PPARGC1B: variants seen among roughly 807,000 people sequenced by gnomAD.
The protein encoded by PPARGC1B is PPARG coactivator 1 beta.
A neutral mutation model predicts 101.6 loss-of-function variants in PPARGC1B; 34 were observed. That is an observed-to-expected ratio of 0.33 (90% CI 0.25 to 0.45). The LOEUF is 0.45. PPARGC1B is among the 20% of genes least tolerant of loss of function. PPARGC1B has a pLI of 1.00. For synonymous variants in PPARGC1B, 548 were observed against 539.3 expected (o/e 1.02, Z -0.22); for missense variants, 1,234 against 1,317.6 (o/e 0.94, Z 0.98).
chr5:149,771,963 C>A, intron 1 of PPARGC1B: 1 of 1,336,064 alleles, frequency 7.5e-7, no homozygotes, highest in Non-Finnish European at 9.9e-7. Context: ...AATCCTCAAG[C>A]AACTCTGAAT....
chr5:149,816,277 G>T (rs188846006), intron 1 of PPARGC1B, among the ~76,000 whole-genome samples: 15 of 152,346 alleles, frequency 9.8e-5, no homozygotes, highest in African/African-American at 3.6e-4. Context: ...GCTGCTATGG[G>T]CAATCAATAA....
chr5:149,768,013 T>C (rs1755980728), intron 1 of PPARGC1B, among the ~76,000 whole-genome samples: 1 of 151,942 alleles, frequency 6.6e-6, no homozygotes, highest in Non-Finnish European at 1.5e-5. Flanking sequence ...GATGGTCCCA[T>C]CTGGGGGTGA....
chr5:149,803,186 A>C (rs950652806), intron 1 of PPARGC1B, among the ~76,000 whole-genome samples: 1 of 152,162 alleles, frequency 6.6e-6, no homozygotes, highest in African/African-American at 2.4e-5. Flanking sequence ...ACTTGTCCCA[A>C]ATCTCATACT....
At chr5:149,818,718 T>C (rs1758153238) in intron 1 of PPARGC1B, 1 of 423,854 alleles carries the variant, frequency 2.4e-6, no homozygotes, top group Admixed American at 2.5e-5. Context: ...CCCGCTCCTC[T>C]CTGCCTACCA....
At chr5:149,795,314 C>T (rs1274033644) in intron 1 of PPARGC1B, among the ~76,000 whole-genome samples, 2 of 152,176 alleles carry the variant, frequency 1.3e-5, no homozygotes, top group East Asian at 1.9e-4. Flanking sequence ...CAAGTTTCCT[C>T]ACCTGTAAAA....
Position 149,837,530 on chromosome 5 carries a change from C to T in PPARGC1B, c.2618+457C>T, listed in dbSNP as rs939385096. Among the ~76,000 whole-genome samples, 4 of 152,208 alleles carry T rather than the reference C, an allele frequency of 2.6e-5. No individual in the cohort carries two copies. The highest frequency in any genetic ancestry group is 9.6e-5 in the African/African-American group (4 of 41,458). On this transcript the variant is annotated intron_variant, in intron 8 of 11. Coordinates refer to ENST00000309241, the MANE Select transcript of PPARGC1B (RefSeq NM_133263.4). The surrounding 1 kb of genome is among the most constrained non-coding windows in gnomAD (Gnocchi z 4.2). ...ATCTGTGCTCTGGAAAATACCTGGA[C>T]ATAAAGCATTGATAAGGTTTCTGGG...
At chr5:149,754,183 G>A (rs1023587083) in intron 1 of PPARGC1B, among the ~76,000 whole-genome samples, 6 of 152,168 alleles carry the variant, frequency 3.9e-5, no homozygotes, top group Non-Finnish European at 5.9e-5. Context: ...AGTCCTTTTC[G>A]GATGGTTAAG....
At chr5:149,779,358 G>C (rs149549274) in intron 1 of PPARGC1B, among the ~76,000 whole-genome samples, 19 of 152,312 alleles carry the variant, frequency 1.2e-4, no homozygotes, top group Admixed American at 1.2e-3. Flanking sequence ...TTGCGTCTGG[G>C]GGAGGGGCTG....
At chr5:149,795,794 G>A (rs1448953177) in intron 1 of PPARGC1B, among the ~76,000 whole-genome samples, 2 of 151,598 alleles carry the variant, frequency 1.3e-5, no homozygotes, top group Non-Finnish European at 2.9e-5. Context: ...GGGGCAGGGG[G>A]GGATGATTAT....
At chr5:149,750,928 A>T (rs1247438390) in intron 1 of PPARGC1B, among the ~76,000 whole-genome samples, 1 of 152,258 alleles carries the variant, frequency 6.6e-6, no homozygotes, top group Non-Finnish European at 1.5e-5. Context: ...TGAGCTTTAC[A>T]GAAAAAGTTA....
At chr5:149,827,032 C>G in intron 3 of PPARGC1B, 147 bp downstream of exon 3, 1 of 669,258 alleles carries the variant, frequency 1.5e-6, no homozygotes, top group Non-Finnish European at 2.5e-6. Flanking sequence ...GAGCGTGGGC[C>G]GAAGGTGGGA....
At chr5:149,790,679 T>C (rs1369421388) in intron 1 of PPARGC1B, among the ~76,000 whole-genome samples, 1 of 152,074 alleles carries the variant, frequency 6.6e-6, no homozygotes, top group Non-Finnish European at 1.5e-5. Context: ...CAACACTCAT[T>C]GATTATTTGC....
At chr5:149,823,783 G>A (rs1581097667) in intron 2 of PPARGC1B, among the ~76,000 whole-genome samples, 1 of 152,260 alleles carries the variant, frequency 6.6e-6, no homozygotes, top group Admixed American at 6.5e-5. Flanking sequence ...GTGGGGAGAG[G>A]TCGGGAGAAG....
chr5:149,847,606 C>T lies in PPARGC1B; in HGVS notation c.*48C>T. 1 of 1,385,648 alleles carries T rather than the reference C, an allele frequency of 7.2e-7. No homozygotes were observed. The highest frequency in any genetic ancestry group is 1.0e-6 in the Non-Finnish European group (1 of 975,986). The allele number at this position is 1,385,648 out of a possible 1,614,324, so 85.8% of individuals were successfully genotyped here. A position where few individuals can be genotyped will look rare whatever the true frequency, so the allele number is the denominator to read the frequency against. ...ATACCTCAATACCTCAGACAAGGCC[C>T]TTCCAATATGTTTACGTTTTCAAAG... On this transcript the variant is annotated 3_prime_UTR_variant, in exon 12 of 12. Coordinates refer to ENST00000309241, the MANE Select transcript of PPARGC1B (RefSeq NM_133263.4).
intron 1 of PPARGC1B, among the ~76,000 whole-genome samples, chr5:149,767,141 G>A (rs528046438): frequency 1.3e-5 from 2 of 152,292 alleles, no homozygotes; most frequent in South Asian, 4.1e-4. Flanking sequence ...GTAAAGTTGG[G>A]CATCTCGGCC....
At chr5:149,825,720 G>A (rs565137016) in intron 2 of PPARGC1B, among the ~76,000 whole-genome samples, 3 of 152,108 alleles carry the variant, frequency 2.0e-5, no homozygotes, top group South Asian at 4.2e-4. Flanking sequence ...CATTCTCCAC[G>A]TGCTGTTTAT....
rs757764711 is a variant in PPARGC1B at position 149,842,323 on chromosome 5, G to T, written c.2762G>T (p.Arg921Leu). ...ATGAGCTCCCGAGAGCTGAAGAGGC[G>T]CTTTGAAGTGTTTGGTGAGATTGAG... is the stretch of plus-strand genomic sequence containing the variant. ...SDMSSRELKR[R>L]FEVFGEIEEC... The change falls in exon 10 of 12, where the codon CGC becomes CTC. Residue 921 changes from arginine (R) to leucine (L), a missense_variant. By Grantham distance (102) the Arg-to-Leu change is moderately radical (BLOSUM62 -2). Coordinates refer to ENST00000309241, the MANE Select transcript of PPARGC1B (RefSeq NM_133263.4). 2 of 1,614,022 alleles carry T rather than the reference G, an allele frequency of 1.2e-6. No homozygotes were observed. The highest frequency in any genetic ancestry group is 1.7e-6 in the Non-Finnish European group (2 of 1,180,024).
chr5:149,818,323 G>A (rs1758137767), intron 1 of PPARGC1B, among the ~76,000 whole-genome samples: 1 of 152,224 alleles, frequency 6.6e-6, no homozygotes, highest in Non-Finnish European at 1.5e-5. Flanking sequence ...GCCTGGCTCA[G>A]AGTGAGTGGG....
intron 1 of PPARGC1B, among the ~76,000 whole-genome samples, chr5:149,741,658 T>C (rs572140570): frequency 6.6e-6 from 1 of 151,388 alleles, no homozygotes; most frequent in East Asian, 1.9e-4. Context: ...GACAGAGTCT[T>C]ACCCTGTTGC....
Sources: allele counts gnomAD v4.1 joint callset (sites outside exome capture counted in the v4.1 genomes callset), GRCh38; gene constraint gnomAD v4.1.1; non-coding constraint Gnocchi (gnomAD v3.1); transcripts MANE v1.5; gene names NCBI Gene and HGNC (gene_info 2026-07-23, HGNC 2026-07-21).